Variants in ZNF630 observed in about 807,000 individuals in gnomAD.
The protein encoded by ZNF630 is dJ54B20.2 (novel KRAB box containing C2H2 type zinc finger protein).
ZNF630 carries 5 observed loss-of-function variants against 7.2 expected under a neutral mutation model. That is an observed-to-expected ratio of 0.70 (90% CI 0.36 to 1.46). The LOEUF is 1.46. ZNF630 is among the 40% of genes most tolerant of loss of function. ZNF630 has a pLI of 0.03. For synonymous variants in ZNF630, 158 were observed against 162.8 expected (o/e 0.97, Z 0.23); for missense variants, 461 against 477.0 (o/e 0.97, Z 0.31).
At position 48,058,844 on chromosome X, in the gene ZNF630, T is replaced by C. The variant is rs368243135; in HGVS notation, c.1598A>G (p.His533Arg). Residue 533 changes from histidine (H) to arginine (R), a missense_variant, in exon 5 of 5, where the codon CAT (histidine) becomes CGT (arginine). Physicochemically the swap from His to Arg is conservative, Grantham distance 29 (BLOSUM62 0). Transcript: ENST00000276054. ...TTTCTCCCCTGTGTGAACTCTCAGA[T>C]GAATAATGAGGAGTGATTTCTGGGA... ...TFSQKSLLII[H>R]LRVHTGEKPY... The C allele has an allele frequency of 1.7e-6, 2 of 1,206,727 alleles. No homozygotes were observed. Among genetic ancestry groups the C allele is most frequent in the Admixed American group, 4.4e-5 (2 of 45,804 alleles).
chrX:48,066,744 T>C, intron 2 of ZNF630, 128 bp downstream of exon 2: 2 of 857,518 alleles, frequency 2.3e-6, no homozygotes, highest in Non-Finnish European at 3.4e-6. Flanking sequence ...CCAGGTGATC[T>C]GTGTATCTTC....
rs2059160480 is a variant in ZNF630 at position 48,071,542 on chromosome X, C to CG, written c.-452dup. ...CAGAGGAGAGGTGCGTTTGGGGGCCCGGGGGAGTCCTCGTGATATCTCCGA... is the reference window on the plus strand; with the variant it reads ...CAGAGGAGAGGTGCGTTTGGGGGCCCGGGGGGAGTCCTCGTGATATCTCCGA... On this transcript the variant is annotated 5_prime_UTR_variant, in exon 1 of 5. Coordinates refer to ENST00000276054, the MANE Select transcript of ZNF630 (RefSeq NM_001282201.2). The CG allele has an allele frequency of 9.0e-6, 1 of 111,146 alleles. No homozygotes were observed. Among genetic ancestry groups the CG allele is most frequent in the Non-Finnish European group, 1.9e-5 (1 of 52,979 alleles). 9.2% of individuals were successfully genotyped at this position (111,146 alleles called of 1,213,427 possible). A position where few individuals can be genotyped will look rare whatever the true frequency, so the allele number is the denominator to read the frequency against.
chrX:48,059,987 C>T lies in ZNF630; in HGVS notation c.455G>A (p.Gly152Asp), dbSNP rs2059095255. 1 of 1,208,375 alleles carries T rather than the reference C, an allele frequency of 8.3e-7. No homozygotes were observed. The highest frequency in any genetic ancestry group is 1.7e-5 in the African/African-American group (1 of 57,309). ...ISRETLTDEM[G>D]SKYSAFGKMF... is the part of the protein sequence containing the mutation. ...TTTCCCAAATGCACTGTACTTGGAA[C>T]CCATCTCATCAGTCAATGTTTCACG... The change falls in exon 5 of 5, where the codon GGT becomes GAT. Residue 152 changes from glycine to aspartate, a missense_variant. By Grantham distance (94) the Gly-to-Asp change is moderately conservative (BLOSUM62 -1). Coordinates refer to ENST00000276054, the MANE Select transcript of ZNF630 (RefSeq NM_001282201.2).
Position 48,058,404 on chromosome X carries a change from C to T in ZNF630, c.*64G>A. ...TACAGTTGAGAAGTTGTCACTATTTCTATTCAATGTGAGTTTTCCCATAGA... is the reference window on the plus strand; with the variant it reads ...TACAGTTGAGAAGTTGTCACTATTTTTATTCAATGTGAGTTTTCCCATAGA... On this transcript the variant is annotated 3_prime_UTR_variant, in exon 5 of 5. Coordinates refer to ENST00000276054, the MANE Select transcript of ZNF630 (RefSeq NM_001282201.2). The T allele has an allele frequency of 9.4e-7, 1 of 1,064,868 alleles. No individual in the cohort carries two copies. The allele number at this position is 1,064,868 out of a possible 1,213,427, so 87.8% of individuals were successfully genotyped here. A position where few individuals can be genotyped will look rare whatever the true frequency, so the allele number is the denominator to read the frequency against.
At chrX:48,064,755 G>A (rs1556909762) in intron 2 of ZNF630, among the ~76,000 whole-genome samples, 1 of 111,852 alleles carries the variant, frequency 8.9e-6, no homozygotes, top group African/African-American at 3.3e-5. Context: ...TGAATAGCTA[G>A]CTGTATCTGG....
intron 1 of ZNF630, among the ~76,000 whole-genome samples, chrX:48,070,087 T>C (rs1356446237): frequency 9.3e-5 from 10 of 107,047 alleles, no homozygotes; most frequent in Non-Finnish European, 1.5e-4. Context: ...CTCGATTTCC[T>C]GACCTCGTGA....
At chrX:48,064,983 A>G (rs1309749615) in intron 2 of ZNF630, among the ~76,000 whole-genome samples, 1 of 112,272 alleles carries the variant, frequency 8.9e-6, no homozygotes, top group African/African-American at 3.2e-5. Context: ...ACAAAGCCTC[A>G]GATACTTCGA....
At chrX:48,070,063 T>C (rs1556910821) in intron 1 of ZNF630, among the ~76,000 whole-genome samples, 1 of 106,851 alleles carries the variant, frequency 9.4e-6, no homozygotes, top group African/African-American at 3.4e-5. Flanking sequence ...TTTCACCGTG[T>C]TAGCCAGGAT....
At chrX:48,070,971 A>C (rs2059157912) in intron 1 of ZNF630, 1 of 105,360 alleles carries the variant, frequency 9.5e-6, no homozygotes, top group Non-Finnish European at 2.0e-5. Flanking sequence ...CCCCCTATCC[A>C]CTCACCCCAC....
At position 48,059,100 on chromosome X, in the gene ZNF630, C is replaced by G; in HGVS notation, c.1342G>C (p.Gly448Arg). The G allele has an allele frequency of 8.3e-7, 1 of 1,208,228 alleles. No individual in the cohort carries two copies. Among genetic ancestry groups the G allele is most frequent in the African/African-American group, 1.7e-5 (1 of 57,241 alleles). Reference sequence around the variant, plus strand: ...TCTCCTGTATGAATTCTTTGATGTCCTATGAGGTGGGACTGTTGGCAGAAA... The same window carrying G: ...TCTCCTGTATGAATTCTTTGATGTCGTATGAGGTGGGACTGTTGGCAGAAA... ...KTFCQQSHLI[G>R]HQRIHTGEKP... The change falls in exon 5 of 5, where the codon GGA becomes CGA. Residue 448 changes from glycine (G) to arginine (R), a missense_variant. Coordinates refer to ENST00000276054, the MANE Select transcript of ZNF630 (RefSeq NM_001282201.2).
chrX:48,059,429 T>C lies in ZNF630; in HGVS notation c.1013A>G (p.Gln338Arg), dbSNP rs782461810. The stretch of plus-strand genomic sequence containing the variant: ...GGGTTTCTCTCCAGTATGGACTCTC[T>C]GATGAACAGTGAAAGGTGACTTCCG... ...FSRKSPFTVH[Q>R]RVHTGEKPYE... is the part of the protein sequence containing the mutation. The change falls in exon 5 of 5, where the codon CAG becomes CGG. Residue 338 changes from glutamine (Q) to arginine (R), a missense_variant. Gln to Arg is a conservative substitution (Grantham distance 43, BLOSUM62 1). Transcript: ENST00000276054. 2.5e-6 allele frequency: 3 copies of C among 1,208,227 alleles called. No homozygotes were observed. In the South Asian group the frequency reaches 5.3e-5, roughly 21 times the overall value.
rs201217491 is a variant in ZNF630, at chrX:48,059,202, G to A, written c.1240C>T (p.Arg414Trp). 19 of 1,206,177 alleles carry A rather than the reference G, an allele frequency of 1.6e-5. No homozygotes were observed. The highest frequency in any genetic ancestry group is 1.2e-4 in the African/African-American group (7 of 56,645). ...ECTECGKTFP[R>W]KTQLIIHQRT... The stretch of plus-strand genomic sequence containing the variant: ...TGATGTATAATGAGCTGTGTTTTCC[G>A]AGGGAAGGTCTTCCCACATTCAGTA... The change falls in exon 5 of 5, where the codon CGG (arginine) becomes TGG (tryptophan). Residue 414 changes from arginine to tryptophan, a missense_variant. Coordinates refer to ENST00000276054, the MANE Select transcript of ZNF630 (RefSeq NM_001282201.2).
Position 48,069,177 on chromosome X carries a change from G to C in ZNF630, c.-176+2090C>G, listed in dbSNP as rs367878475. ...AGTCACTTGAATCCGGGAGGCGGAG[G>C]TTGCAATGTGCTGAGATCACGCCAT... On this transcript the variant is annotated intron_variant, in intron 1 of 4. Transcript: ENST00000276054. Among the ~76,000 whole-genome samples, 122 of 108,095 alleles carry C rather than the reference G, an allele frequency of 1.1e-3. 1 individual carries two copies. The highest frequency in any genetic ancestry group is 3.9e-3 in the African/African-American group (115 of 29,410). 93.9% of individuals were successfully genotyped at this position (108,095 alleles called of 115,157 possible).
intron 2 of ZNF630, among the ~76,000 whole-genome samples, chrX:48,062,893 T>C: frequency 1.0e-5 from 1 of 99,054 alleles, no homozygotes. Flanking sequence ...TGAGGCAAGA[T>C]AGTGCCACTG....
At chrX:48,067,543 G>GTGGGCCAGCACGT (rs1464114567) in intron 1 of ZNF630, among the ~76,000 whole-genome samples, 15 of 112,095 alleles carry the variant, frequency 1.3e-4, no homozygotes, top group Non-Finnish European at 2.6e-4. Flanking sequence ...GCCGGGTGCG[G>GTGGGCCAGCACGT]TGGGCCAGCA....
chrX:48,063,481 GA>G (rs1175951941), intron 2 of ZNF630, among the ~76,000 whole-genome samples: 1 of 111,265 alleles, frequency 9.0e-6, no homozygotes, highest in Non-Finnish European at 1.9e-5. Flanking sequence ...CAACAAGAAT[GA>G]AAAAAACAGA....
intron 2 of ZNF630, among the ~76,000 whole-genome samples, chrX:48,061,336 G>C (rs1556909176): frequency 9.0e-6 from 1 of 111,037 alleles, no homozygotes; most frequent in African/African-American, 3.3e-5. Flanking sequence ...TCTTTGAGTG[G>C]AGAAGACTCT....
rs782654767 is a variant in ZNF630, at chrX:48,058,957, G to A, written c.1485C>T (p.Ser495=). 10 of 1,206,417 alleles carry A rather than the reference G, an allele frequency of 8.3e-6. No homozygotes were observed. ...TGATAAGAGGTGATTTCTGAGAGAA[G>A]GATTTTCCACATTCAGTACACATAT... is the stretch of plus-strand genomic sequence containing the variant. ...KPYMCTECGK[S]FSQKSPLIIH... The change falls in exon 5 of 5, where the codon TCC becomes TCT. Residue 495 remains serine (S), a synonymous_variant. Transcript: ENST00000276054.
rs782013116 is a variant in ZNF630, at chrX:48,058,589, T to G, written c.1853A>C (p.Gln618Pro). 4 of 1,206,695 alleles carry G rather than the reference T, an allele frequency of 3.3e-6. No individual in the cohort carries two copies. The African/African-American group carries it at 7.0e-5, about 21-fold the overall frequency. Reference protein sequence around the residue: ...FFWKSQMITYQRRHTGEKPSR... With the variant: ...FFWKSQMITYPRRHTGEKPSR... ...GGGTTTCTCCCCAGTGTGTCTTCTC[T>G]GATATGTAATCATCTGTGATTTCCA... Residue 618 changes from glutamine to proline, a missense_variant, in exon 5 of 5, where the codon CAG becomes CCG. By Grantham distance (76) the Gln-to-Pro change is moderately conservative (BLOSUM62 -1). Transcript: ENST00000276054.
Sources: allele counts gnomAD v4.1 joint callset (sites outside exome capture counted in the v4.1 genomes callset), GRCh38; gene constraint gnomAD v4.1.1; transcripts MANE v1.5; gene names NCBI Gene and HGNC (gene_info 2026-07-23, HGNC 2026-07-21).